Variants in DPF3 observed in about 807,000 individuals in gnomAD.
The protein encoded by DPF3 is zinc finger protein DPF3.
DPF3 carries 18 observed loss-of-function variants against 56.8 expected under a neutral mutation model. The ratio of observed to expected loss-of-function variants is 0.32; its 90% CI spans 0.22 to 0.47. DPF3 has a LOEUF of 0.47. Among genes scored for constraint, DPF3 ranks in the 20% least tolerant of loss-of-function variants. The pLI is 1.00. For missense variants in DPF3, 403 were observed against 488.8 expected (o/e 0.82, Z 1.65); for synonymous variants, 188 against 180.2 (o/e 1.04, Z -0.35).
intron 1 of DPF3, among the ~76,000 whole-genome samples, chr14:72,818,528 T>C (rs965322743): frequency 1.3e-5 from 2 of 152,184 alleles, no homozygotes; most frequent in African/African-American, 4.8e-5. Flanking sequence ...AAGAAGTTTA[T>C]TAACCAGGTG....
intron 1 of DPF3, among the ~76,000 whole-genome samples, chr14:72,886,509 T>C (rs1053540262): frequency 6.6e-6 from 1 of 152,148 alleles, no homozygotes; most frequent in African/African-American, 2.4e-5. Context: ...AGATTAGAAA[T>C]AAATGTACTT....
chr14:72,631,302 C>T (rs529646555), intron 8 of DPF3, among the ~76,000 whole-genome samples: 1 of 152,264 alleles, frequency 6.6e-6, no homozygotes, highest in South Asian at 2.1e-4. Context: ...CAAGGTGATA[C>T]CATCACAGTG....
At chr14:72,717,168 GGCTTT>G (rs1257944217) in intron 5 of DPF3, among the ~76,000 whole-genome samples, 5 of 152,292 alleles carry the variant, frequency 3.3e-5, no homozygotes, top group Admixed American at 2.6e-4. Context: ...ATCTGATCCA[GGCTTT>G]GCCCTTGCTA....
intron 8 of DPF3, among the ~76,000 whole-genome samples, chr14:72,663,637 G>C (rs1306030046): frequency 6.6e-6 from 1 of 152,186 alleles, no homozygotes; most frequent in Non-Finnish European, 1.5e-5. Context: ...AAAGGAGTGA[G>C]CAATGAAACC....
chr14:72,652,833 G>A (rs961191201), intron 8 of DPF3, among the ~76,000 whole-genome samples: 8 of 152,176 alleles, frequency 5.3e-5, no homozygotes, highest in African/African-American at 1.9e-4. Context: ...GAACAAGAGG[G>A]AGTTTGCAAG....
intron 1 of DPF3, among the ~76,000 whole-genome samples, chr14:72,795,975 A>G (rs1015712768): frequency 1.2e-4 from 19 of 152,260 alleles, no homozygotes; most frequent in Non-Finnish European, 2.1e-4. Context: ...AACAATTTCT[A>G]TCACAAATCT....
chr14:72,646,501 GA>G (rs1885729781), intron 8 of DPF3, among the ~76,000 whole-genome samples: 1 of 152,202 alleles, frequency 6.6e-6, no homozygotes, highest in African/African-American at 2.4e-5. Context: ...TCCAAGGCTG[GA>G]ACCAGTAAAA....
At position 72,764,484 on chromosome 14, in the gene DPF3, G is replaced by GTTTTTTTT. The variant is rs57886183; in HGVS notation, c.193+7241_193+7248dup. 1.7e-4 allele frequency among the ~76,000 whole-genome samples: 9 copies of GTTTTTTTT among 52,792 alleles called. 1 individual carries two copies. The highest frequency in any genetic ancestry group is 6.8e-4 in the Admixed American group (2 of 2,920). 34.6% of individuals were successfully genotyped at this position (52,792 alleles called of 152,430 possible). A position where few individuals can be genotyped will look rare whatever the true frequency, so the allele number is the denominator to read the frequency against. ...AGTATGCAAACTATTTTCCTGAGTT[G>GTTTTTTTT]TTTTTTTTTTTTTTTTTTTTTTTTT... On this transcript the variant is annotated intron_variant, in intron 2 of 10. Transcript: ENST00000556509.
chr14:72,886,351 G>A (rs1240304615), intron 1 of DPF3, among the ~76,000 whole-genome samples: 1 of 152,074 alleles, frequency 6.6e-6, no homozygotes, highest in Non-Finnish European at 1.5e-5. Context: ...CAGCCTGGGT[G>A]ACAGAGCGAG....
chr14:72,822,926 C>G (rs1310302982), intron 1 of DPF3, among the ~76,000 whole-genome samples: 1 of 152,206 alleles, frequency 6.6e-6, no homozygotes, highest in African/African-American at 2.4e-5. Flanking sequence ...ACTTTTTGAG[C>G]ATCAACATGA....
At chr14:72,638,067 A>G (rs1885436867) in intron 8 of DPF3, among the ~76,000 whole-genome samples, 2 of 152,220 alleles carry the variant, frequency 1.3e-5, no homozygotes, top group African/African-American at 4.8e-5. Flanking sequence ...TCCATCGATG[A>G]GGAATATTAG....
chr14:72,887,193 A>ACC (rs1242817239), intron 1 of DPF3, among the ~76,000 whole-genome samples: 1 of 144,022 alleles, frequency 6.9e-6, no homozygotes, highest in East Asian at 2.0e-4. Context: ...ACACACACAC[A>ACC]CACAAAAGGA....
rs1012976366 is a variant in DPF3 at position 72,778,007 on chromosome 14, T to C, written c.33-6114A>G. The stretch of plus-strand genomic sequence containing the variant: ...GCCCTCATGATGGGATTAGGGCCCA[T>C]ATAAGGCAGAGACATGAGCAAGCTC... On this transcript the variant is annotated intron_variant, in intron 1 of 10. Coordinates refer to ENST00000556509, the MANE Select transcript of DPF3 (RefSeq NM_001280542.3). Among the ~76,000 whole-genome samples, 3 of 152,110 alleles carry C rather than the reference T, an allele frequency of 2.0e-5. No individual in the cohort carries two copies. In the East Asian group the frequency reaches 5.8e-4, roughly 29 times the overall value.
chr14:72,687,752 C>T (rs993359704), intron 7 of DPF3, among the ~76,000 whole-genome samples: 13 of 152,294 alleles, frequency 8.5e-5, no homozygotes, highest in Admixed American at 2.6e-4. Context: ...GAAGCCTTTG[C>T]AAACCCCCTA....
At chr14:72,665,788 G>A (rs1228528579) in intron 8 of DPF3, among the ~76,000 whole-genome samples, 2 of 152,230 alleles carry the variant, frequency 1.3e-5, no homozygotes, top group African/African-American at 2.4e-5. Context: ...TTGCATCGAT[G>A]TGAATTTCCT....
intron 4 of DPF3, among the ~76,000 whole-genome samples, chr14:72,731,148 G>A (rs1889623467): frequency 6.6e-6 from 1 of 151,814 alleles, no homozygotes; most frequent in African/African-American, 2.4e-5. Flanking sequence ...CTCCAGCCTG[G>A]GTGACAGAGC....
At chr14:72,634,483 C>T (rs1224709982) in intron 8 of DPF3, among the ~76,000 whole-genome samples, 1 of 152,076 alleles carries the variant, frequency 6.6e-6, no homozygotes, top group African/African-American at 2.4e-5. Flanking sequence ...GAACTAATTC[C>T]TAAATGCTTT....
chr14:72,849,636 C>T (rs563645081), intron 1 of DPF3, among the ~76,000 whole-genome samples: 17 of 152,252 alleles, frequency 1.1e-4, no homozygotes, highest in Admixed American at 1.0e-3. Flanking sequence ...TCCTCATGGC[C>T]ATTCTTTATC....
rs547836725 is a variant in DPF3 at position 72,623,262 on chromosome 14, A to C, written c.985-3278T>G. ...TGTTTCTTTATAAATTTGATTTTAG[A>C]ACCAATAAATATTTTACACAGTCAT... On this transcript the variant is annotated intron_variant, in intron 9 of 10. Transcript: ENST00000556509. Among the ~76,000 whole-genome samples the C allele has an allele frequency of 2.5e-4, 38 of 152,358 alleles. 1 individual carries two copies. Among genetic ancestry groups the C allele is most frequent in the Admixed American group, 2.2e-3 (33 of 15,304 alleles).
Sources: allele counts gnomAD v4.1 joint callset (sites outside exome capture counted in the v4.1 genomes callset), GRCh38; gene constraint gnomAD v4.1.1; transcripts MANE v1.5; gene names NCBI Gene and HGNC (gene_info 2026-07-23, HGNC 2026-07-21).